PMFBP1: variants seen among roughly 807,000 people sequenced by gnomAD.
The protein encoded by PMFBP1 is polyamine modulated factor 1 binding protein 1.
PMFBP1 carries 131 observed loss-of-function variants against 137.8 expected under a neutral mutation model. The observed-to-expected ratio is 0.95, with a 90% CI of 0.82 to 1.10. The LOEUF (loss-of-function observed/expected upper bound fraction) is 1.10, where lower values mean the gene tolerates loss of function less well. Ranked by LOEUF, PMFBP1 falls within the 50% of genes least tolerant of loss-of-function variation. The pLI is 0.00. For synonymous variants in PMFBP1, 490 were observed against 450.4 expected (o/e 1.09, Z -1.11); for missense variants, 1,199 against 1,175.4 (o/e 1.02, Z -0.29).
intron 5 of PMFBP1, among the ~76,000 whole-genome samples, chr16:72,148,368 C>CG (rs1354345341): frequency 6.4e-4 from 7 of 10,978 alleles, no homozygotes; most frequent in Admixed American, 1.1e-3. Flanking sequence ...GGGGGCCTGT[C>CG]GGGGGGTGGG....
At chr16:72,241,904 T>C in the PMFBP1 span, among the ~76,000 whole-genome samples, 1 of 152,238 alleles carries the variant, frequency 6.6e-6, no homozygotes, top group Admixed American at 6.5e-5. Flanking sequence ...GCATATAATC[T>C]TCATTATCAT....
chr16:72,125,855 G>C (rs2144252883), intron 15 of PMFBP1, 113 bp downstream of exon 15: 1 of 1,331,934 alleles, frequency 7.5e-7, no homozygotes, highest in East Asian at 2.3e-5. Flanking sequence ...ACAAGGGTTT[G>C]AGATGGCCCC....
At chr16:72,158,414 C>CT (rs1400418604) in intron 3 of PMFBP1, among the ~76,000 whole-genome samples, 1 of 152,108 alleles carries the variant, frequency 6.6e-6, no homozygotes, top group Non-Finnish European at 1.5e-5. Flanking sequence ...GATAAAAACA[C>CT]TGCTATTCTC....
chr16:72,130,287 T>A lies in PMFBP1; in HGVS notation c.1708A>T (p.Lys570Ter), dbSNP rs757808536. Residue 570 changes from lysine (K) to a stop codon, truncating the protein, a stop_gained, in exon 12 of 21, where the codon AAG becomes TAG. Transcript: ENST00000237353. LOFTEE classifies it high-confidence loss of function. The stretch of plus-strand genomic sequence containing the variant: ...GCCACTGTCTTCTGAAGCTGCCTCT[T>A]TTCCTTGTCTGAATTTTCAAGCTTC... ...LRKLENSDKE[K>*]RQLQKTVAEQ... 1 of 1,614,206 alleles carries A rather than the reference T, an allele frequency of 6.2e-7. No individual in the cohort carries two copies. The highest frequency in any genetic ancestry group is 1.1e-5 in the South Asian group (1 of 91,080).
At position 72,154,351 on chromosome 16, in the gene PMFBP1, C is replaced by A; in HGVS notation, c.274G>T (p.Val92Phe). 6.2e-7 allele frequency: 1 copy of A among 1,614,132 alleles called. No individual in the cohort carries two copies. The highest frequency in any genetic ancestry group is 8.5e-7 in the Non-Finnish European group (1 of 1,180,010). Residue 92 changes from valine to phenylalanine, a missense_variant, in exon 4 of 21, where the codon GTC becomes TTC. Transcript: ENST00000237353. ...TGAAACTCCAGTTCTTGTTGAAGGA[C>A]CAGCAATTTTTTCTTCAGTTGCTGG... Reference protein sequence around the residue: ...QLQQLKKKLLVLQQELEFHTE... With the variant: ...QLQQLKKKLLFLQQELEFHTE...
At chr16:72,171,520 C>A in intron 1 of PMFBP1, 1 of 383,060 alleles carries the variant, frequency 2.6e-6, no homozygotes. Flanking sequence ...TGAATTTACC[C>A]TTCTTGGAAA....
the PMFBP1 span, among the ~76,000 whole-genome samples, chr16:72,214,929 C>T: frequency 1.3e-5 from 2 of 151,756 alleles, no homozygotes; most frequent in Non-Finnish European, 2.9e-5. Context: ...AAGAAAGGCC[C>T]AATATACATT....
At chr16:72,190,974 A>G in the PMFBP1 span, among the ~76,000 whole-genome samples, 372 of 152,302 alleles carry the variant, frequency 2.4e-3, 1 homozygote, top group African/African-American at 8.1e-3. Context: ...TCACATTTTT[A>G]TTGTGAATAT....
At chr16:72,192,000 T>G in the PMFBP1 span, among the ~76,000 whole-genome samples, 1 of 152,232 alleles carries the variant, frequency 6.6e-6, no homozygotes, top group East Asian at 1.9e-4. Flanking sequence ...AATGATCAAA[T>G]GCGTGTGTGT....
intron 2 of PMFBP1, among the ~76,000 whole-genome samples, chr16:72,167,671 C>A (rs762567820): frequency 1.3e-5 from 2 of 152,174 alleles, no homozygotes; most frequent in Admixed American, 6.5e-5. Flanking sequence ...CCCTAAGGAG[C>A]CTCTCCACTC....
the PMFBP1 span, among the ~76,000 whole-genome samples, chr16:72,192,313 T>G: frequency 6.6e-6 from 1 of 152,302 alleles, no homozygotes; most frequent in East Asian, 1.9e-4. Flanking sequence ...AGGTATTTTG[T>G]TTCACCTAAT....
At chr16:72,118,768 G>GC (rs1427560142), downstream of PMFBP1, among the ~76,000 whole-genome samples, 1 of 151,910 alleles carries the variant, frequency 6.6e-6, no homozygotes, top group Non-Finnish European at 1.5e-5. Context: ...GTGGGCGGGG[G>GC]GGCAGGTGGC....
intron 5 of PMFBP1, among the ~76,000 whole-genome samples, chr16:72,143,570 C>T (rs62058271): frequency 4.6e-5 from 7 of 151,866 alleles, no homozygotes; most frequent in African/African-American, 1.7e-4. Flanking sequence ...TGGTGAAACC[C>T]TGTCTCTGCA....
the PMFBP1 span, among the ~76,000 whole-genome samples, chr16:72,210,468 A>G: frequency 2.0e-5 from 3 of 152,184 alleles, no homozygotes; most frequent in South Asian, 6.2e-4. Context: ...AGAGAGCTAC[A>G]TCAAAGCCCC....
rs902889725 is a variant in PMFBP1, at chr16:72,130,670, C to T, written c.1500G>A (p.Leu500=). Residue 500 remains leucine (L), a synonymous_variant, in exon 11 of 21, where the codon CTG becomes CTA. Transcript: ENST00000237353. ...KEEAALAGCH[L]EDTQRKLQKG... ...TCTGCAGTTTCCTCTGGGTGTCCTC[C>T]AGGTGACAGCCTGCCAGTGCAGCCT... The T allele has an allele frequency of 6.2e-7, 1 of 1,613,820 alleles. No homozygotes were observed. The highest frequency in any genetic ancestry group is 1.7e-5 in the Admixed American group (1 of 60,002).
At position 72,124,892 on chromosome 16, in the gene PMFBP1, C is replaced by T. The variant is rs1345646005; in HGVS notation, c.2464G>A (p.Val822Met). The change falls in exon 17 of 21, where the codon GTG becomes ATG. Residue 822 changes from valine (V) to methionine (M), a missense_variant. Coordinates refer to ENST00000237353, the MANE Select transcript of PMFBP1 (RefSeq NM_031293.3). ...TGGTGTTGCTTCTGCCACTGCAGCA[C>T]CTGGCAGCTCATCTCCTCTAGCTTC... ...DKKLEEMSCQ[V>M]LQWQKQHQND... The T allele has an allele frequency of 1.2e-6, 2 of 1,614,196 alleles. No homozygotes were observed. Among genetic ancestry groups the T allele is most frequent in the Non-Finnish European group, 1.7e-6 (2 of 1,180,034 alleles).
intron 14 of PMFBP1, among the ~76,000 whole-genome samples, chr16:72,127,636 A>G (rs779604729): frequency 6.6e-6 from 1 of 152,254 alleles, no homozygotes; most frequent in Non-Finnish European, 1.5e-5. Flanking sequence ...ATATAGAAGT[A>G]TGTAAATTAT....
the PMFBP1 span, among the ~76,000 whole-genome samples, chr16:72,218,444 C>T: frequency 6.6e-6 from 1 of 152,148 alleles, no homozygotes; most frequent in Non-Finnish European, 1.5e-5. Flanking sequence ...TCTCCTACCT[C>T]AGCCTCCTGA....
At chr16:72,133,591 C>T (rs1380036034) in intron 9 of PMFBP1, among the ~76,000 whole-genome samples, 2 of 152,128 alleles carry the variant, frequency 1.3e-5, no homozygotes, top group African/African-American at 4.8e-5. Flanking sequence ...TAGGCTCAAG[C>T]GATCCTCCCA....
Sources: allele counts gnomAD v4.1 joint callset (sites outside exome capture counted in the v4.1 genomes callset), GRCh38; gene constraint gnomAD v4.1.1; transcripts MANE v1.5; gene names NCBI Gene and HGNC (gene_info 2026-07-23, HGNC 2026-07-21).